Variants in L3MBTL3 observed in about 807,000 individuals in gnomAD.
L3MBTL3 encodes the protein L3MBTL histone methyl-lysine binding protein 3.
L3MBTL3 carries 27 observed loss-of-function variants against 102.3 expected under a neutral mutation model. The observed-to-expected ratio is 0.26, with a 90% CI of 0.19 to 0.36. The LOEUF (loss-of-function observed/expected upper bound fraction) is 0.36, where lower values mean the gene tolerates loss of function less well. Among genes scored for constraint, L3MBTL3 ranks in the 10% least tolerant of loss-of-function variants. The pLI is 1.00. For synonymous variants in L3MBTL3, 340 were observed against 320.9 expected (o/e 1.06, Z -0.64); for missense variants, 798 against 955.3 (o/e 0.84, Z 2.17).
At chr6:130,030,965 C>T (rs1485287837) in intron 2 of L3MBTL3, among the ~76,000 whole-genome samples, 3 of 152,152 alleles carry the variant, frequency 2.0e-5, no homozygotes, top group Non-Finnish European at 4.4e-5. Flanking sequence ...ATGTTTGTTT[C>T]CCTTTCATGT....
In L3MBTL3 at chr6:130,138,795, C is replaced by T. The variant is rs185539831; in HGVS notation, c.2200-815C>T. Among the ~76,000 whole-genome samples, 297 of 151,952 alleles carry T rather than the reference C, an allele frequency of 2.0e-3. 1 individual carries two copies. The highest frequency in any genetic ancestry group is 2.3e-3 in the Non-Finnish European group (159 of 67,972). On this transcript the variant is annotated intron_variant, in intron 22 of 22. Coordinates refer to ENST00000361794, the MANE Select transcript of L3MBTL3 (RefSeq NM_032438.4). ...TTTTTTTTTTAAGGTGATAGAAGAG[C>T]TGAAAGTCATAATGAAAGACTGTTT...
intron 2 of L3MBTL3, among the ~76,000 whole-genome samples, chr6:130,031,366 A>C (rs1047926081): frequency 2.0e-5 from 3 of 152,260 alleles, no homozygotes; most frequent in Non-Finnish European, 4.4e-5. Context: ...TGTATAGCTC[A>C]GTGCCTTCCA....
At chr6:130,063,614 C>T (rs906814792) in intron 10 of L3MBTL3, among the ~76,000 whole-genome samples, 2 of 152,080 alleles carry the variant, frequency 1.3e-5, no homozygotes, top group Non-Finnish European at 2.9e-5. Context: ...TGTTTAAAGA[C>T]ACCTCATTTA....
At position 130,049,820 on chromosome 6, in the gene L3MBTL3, A is replaced by G. The variant is rs373856839; in HGVS notation, c.279A>G (p.Gly93=). The part of the protein sequence containing the change: ...FPPAYWTSPP[G]CPTVFSEKTG... ...CTGCCTACTGGACATCTCCACCTGGATGTCCCACAGGTACCTCAAACTCCA... is the reference window on the plus strand; with the variant it reads ...CTGCCTACTGGACATCTCCACCTGGGTGTCCCACAGGTACCTCAAACTCCA... Residue 93 remains glycine, a synonymous_variant, in exon 5 of 23, where the codon GGA becomes GGG. Coordinates refer to ENST00000361794, the MANE Select transcript of L3MBTL3 (RefSeq NM_032438.4). The G allele has an allele frequency of 2.4e-4, 388 of 1,613,070 alleles. 3 individuals carry two copies. Among genetic ancestry groups the G allele is most frequent in the Middle Eastern group, 1.7e-3 (10 of 6,046 alleles).
At chr6:130,084,863 T>C (rs1249449410) in intron 15 of L3MBTL3, among the ~76,000 whole-genome samples, 3 of 152,180 alleles carry the variant, frequency 2.0e-5, no homozygotes, top group African/African-American at 7.2e-5. Flanking sequence ...AGGGTCTTGC[T>C]TTGTTGCCCA....
At chr6:130,107,261 T>C (rs1052873670) in intron 19 of L3MBTL3, among the ~76,000 whole-genome samples, 2 of 152,230 alleles carry the variant, frequency 1.3e-5, no homozygotes, top group Non-Finnish European at 2.9e-5. Context: ...ACTACAGTTT[T>C]AATATGTAGG....
chr6:130,140,226 G>A lies in L3MBTL3; in HGVS notation c.*473G>A, dbSNP rs1163821646. 6.5e-6 allele frequency: 1 copy of A among 154,314 alleles called. No individual in the cohort carries two copies. The highest frequency in any genetic ancestry group is 2.4e-5 in the African/African-American group (1 of 41,426). The allele number at this position is 154,314 out of a possible 1,614,324, so 9.6% of individuals were successfully genotyped here. On this transcript the variant is annotated 3_prime_UTR_variant, in exon 23 of 23. Coordinates refer to ENST00000361794, the MANE Select transcript of L3MBTL3 (RefSeq NM_032438.4). ...AGTTTAGCCAGTAGGACTGTTATCT[G>A]TATTGTTAATTTTGTGCCATATTTT... is the stretch of plus-strand genomic sequence containing the variant.
chr6:130,106,523 T>A (rs1784987776), intron 19 of L3MBTL3, among the ~76,000 whole-genome samples: 1 of 152,216 alleles, frequency 6.6e-6, no homozygotes, highest in Non-Finnish European at 1.5e-5. Context: ...GAGCCTCCCT[T>A]TCTGCCACTT....
At chr6:130,028,472 T>C (rs1360825742) in intron 2 of L3MBTL3, among the ~76,000 whole-genome samples, 1 of 152,210 alleles carries the variant, frequency 6.6e-6, no homozygotes, top group Non-Finnish European at 1.5e-5. Flanking sequence ...AAGACCCAAC[T>C]TCTCAAGGAT....
At chr6:130,067,016 G>A (rs1782302285) in intron 11 of L3MBTL3, among the ~76,000 whole-genome samples, 2 of 152,110 alleles carry the variant, frequency 1.3e-5, no homozygotes, top group South Asian at 4.2e-4. Flanking sequence ...TTATATTTGA[G>A]TACTTTATAT....
chr6:130,102,996 A>G (rs1032508931), intron 18 of L3MBTL3, among the ~76,000 whole-genome samples: 1 of 152,252 alleles, frequency 6.6e-6, no homozygotes, highest in African/African-American at 2.4e-5. Context: ...ATGCCTGGAA[A>G]GGTAATTAGC....
chr6:130,027,798 G>T (rs555983521), intron 2 of L3MBTL3, among the ~76,000 whole-genome samples: 3 of 152,244 alleles, frequency 2.0e-5, no homozygotes, highest in East Asian at 1.9e-4. Context: ...TAAAATTTTA[G>T]TTCATGCATA....
intron 10 of L3MBTL3, among the ~76,000 whole-genome samples, chr6:130,063,386 A>T (rs1156767612): frequency 2.6e-5 from 4 of 152,222 alleles, no homozygotes; most frequent in African/African-American, 9.6e-5. Flanking sequence ...GGAGTTGGAC[A>T]GGACCATCTA....
intron 3 of L3MBTL3, among the ~76,000 whole-genome samples, chr6:130,048,218 G>A (rs1780846843): frequency 6.6e-6 from 1 of 152,160 alleles, no homozygotes; most frequent in Non-Finnish European, 1.5e-5. Context: ...CAAATGGAGG[G>A]CCTTGCTTAA....
rs77763309 is a variant in L3MBTL3 at position 130,063,006 on chromosome 6, G to C, written c.864+2866G>C. 4.1e-5 allele frequency among the ~76,000 whole-genome samples: 5 copies of C among 122,188 alleles called. 1 individual carries two copies. The highest frequency in any genetic ancestry group is 4.6e-4 in the East Asian group (2 of 4,346). The allele number at this position is 122,188 out of a possible 152,430, so 80.2% of individuals were successfully genotyped here. A position where few individuals can be genotyped will look rare whatever the true frequency, so the allele number is the denominator to read the frequency against. On this transcript the variant is annotated intron_variant, in intron 10 of 22. Coordinates refer to ENST00000361794, the MANE Select transcript of L3MBTL3 (RefSeq NM_032438.4). The stretch of plus-strand genomic sequence containing the variant: ...CTTGCCTTTCTTTTTTTTTTTTTCT[G>C]TTTTTTTTTCGCCCCTTTGCAATGC...
At chr6:130,091,472 A>G (rs1784041989) in intron 16 of L3MBTL3, among the ~76,000 whole-genome samples, 1 of 152,116 alleles carries the variant, frequency 6.6e-6, no homozygotes, top group Non-Finnish European at 1.5e-5. Flanking sequence ...ACCTAAAAAA[A>G]ACATGGTCGA....
At chr6:130,047,864 C>T (rs957982244) in intron 3 of L3MBTL3, among the ~76,000 whole-genome samples, 1 of 152,048 alleles carries the variant, frequency 6.6e-6, no homozygotes, top group Non-Finnish European at 1.5e-5. Flanking sequence ...TTATTTTTAG[C>T]TCTTTTCCTT....
chr6:130,116,976 TA>T (rs1267218648), intron 19 of L3MBTL3, among the ~76,000 whole-genome samples: 11 of 145,786 alleles, frequency 7.5e-5, no homozygotes, highest in East Asian at 2.0e-4. Flanking sequence ...TTTATTTTTT[TA>T]TTTTTTTATT....
At chr6:130,038,843 T>A (rs1780228076) in intron 2 of L3MBTL3, among the ~76,000 whole-genome samples, 2 of 152,096 alleles carry the variant, frequency 1.3e-5, no homozygotes, top group South Asian at 4.1e-4. Flanking sequence ...TGATTCTTCT[T>A]CAAATTTAGA....
Sources: allele counts gnomAD v4.1 joint callset (sites outside exome capture counted in the v4.1 genomes callset), GRCh38; gene constraint gnomAD v4.1.1; transcripts MANE v1.5; gene names NCBI Gene and HGNC (gene_info 2026-07-23, HGNC 2026-07-21).